The following DENND4C variants were observed in gnomAD, a reference collection of about 807,000 sequenced individuals.
DENND4C encodes the protein DENN domain containing 4C, also known as DENN domain-containing protein 4C.
DENND4C carries 108 observed loss-of-function variants against 203.0 expected under a neutral mutation model. That is an observed-to-expected ratio of 0.53 (90% CI 0.46 to 0.62). The LOEUF (loss-of-function observed/expected upper bound fraction) is 0.62, where lower values mean the gene tolerates loss of function less well. Among genes scored for constraint, DENND4C ranks in the 20% least tolerant of loss-of-function variants. DENND4C has a pLI of 0.00. For synonymous variants in DENND4C, 871 were observed against 792.4 expected, an observed-to-expected ratio of 1.10 and a Z score of -1.67; for missense variants, 2,481 against 2,301.2, an observed-to-expected ratio of 1.08 and a Z score of -1.60.
At chr9:19,354,223 C>T (rs1205699188) in intron 26 of DENND4C, among the ~76,000 whole-genome samples, 1 of 152,120 alleles carries the variant, frequency 6.6e-6, no homozygotes, top group Non-Finnish European at 1.5e-5. Context: ...GTGTTGGGTA[C>T]TTCAGTTACT....
chr9:19,372,123 A>G lies in DENND4C; in HGVS notation c.5827A>G (p.Ser1943Gly). The G allele has an allele frequency of 6.2e-7, 1 of 1,614,126 alleles. No individual in the cohort carries two copies. The highest frequency in any genetic ancestry group is 8.5e-7 in the Non-Finnish European group (1 of 1,180,004). Residue 1943 changes from serine to glycine, a missense_variant, in exon 33 of 33, where the codon AGT (serine) becomes GGT (glycine). By Grantham distance (56) the Ser-to-Gly change is moderately conservative. Coordinates refer to ENST00000434457, the MANE Select transcript of DENND4C (RefSeq NM_001330640.2). ...ERLQKIDAPP[S>G]ASVEWCRKCF... is the part of the protein sequence containing the mutation. ...GTTGCAGAAAATTGATGCTCCACCAAGTGCCAGTGTCGAGTGGTGCAGGAA... is the reference window on the plus strand; with the variant it reads ...GTTGCAGAAAATTGATGCTCCACCAGGTGCCAGTGTCGAGTGGTGCAGGAA...
intron 9 of DENND4C, among the ~76,000 whole-genome samples, chr9:19,304,107 G>A (rs760214377): frequency 4.1e-4 from 59 of 142,396 alleles, no homozygotes; most frequent in Non-Finnish European, 7.5e-4. Context: ...AAGGAAAATG[G>A]GTAAAGATTC....
In DENND4C at chr9:19,365,384, G is replaced by A. The variant is rs190237731; in HGVS notation, c.5524+3421G>A. Among the ~76,000 whole-genome samples the A allele has an allele frequency of 2.6e-5, 4 of 152,276 alleles. No homozygotes were observed. In the East Asian group the frequency reaches 7.7e-4, roughly 29 times the overall value. On this transcript the variant is annotated intron_variant, in intron 30 of 32. Coordinates refer to ENST00000434457, the MANE Select transcript of DENND4C (RefSeq NM_001330640.2). ...TAAAACACTCATCAAGCTGGGAATA[G>A]AGAAGATCTTCCTCCGCCTGGTAAT...
chr9:19,231,588 C>G (rs922986271), intron 1 of DENND4C, among the ~76,000 whole-genome samples: 1 of 150,772 alleles, frequency 6.6e-6, no homozygotes, highest in Non-Finnish European at 1.5e-5. Flanking sequence ...CCTTTTCCCT[C>G]TCGAAGACCG....
chr9:19,309,887 T>A (rs1840407496), intron 10 of DENND4C, among the ~76,000 whole-genome samples: 1 of 152,190 alleles, frequency 6.6e-6, no homozygotes, highest in African/African-American at 2.4e-5. Flanking sequence ...TGATACCTTT[T>A]TGACACACGT....
intron 9 of DENND4C, among the ~76,000 whole-genome samples, chr9:19,304,048 T>TTA (rs1839142751): frequency 7.2e-6 from 1 of 138,714 alleles, no homozygotes; most frequent in African/African-American, 2.6e-5. Flanking sequence ...CTGTCTTTTT[T>TTA]AAAAAAAAAA....
At chr9:19,286,675 A>G (rs1835278795) in intron 2 of DENND4C, 94 bp from the exon 3 acceptor site, 3 of 1,140,260 alleles carry the variant, frequency 2.6e-6, no homozygotes, top group Non-Finnish European at 3.3e-6. Context: ...GAAGAAAACC[A>G]GCATTAACCT....
At position 19,336,796 on chromosome 9, in the gene DENND4C, A is replaced by G; in HGVS notation, c.2845A>G (p.Ile949Val). Residue 949 changes from isoleucine to valine, a missense_variant, in exon 20 of 33, where the codon ATC becomes GTC. Coordinates refer to ENST00000434457, the MANE Select transcript of DENND4C (RefSeq NM_001330640.2). ...GCACACAGTCTTCGTCAGAGATTTA[A>G]TCAGGCTTGAGTCCATTGATAATCA... ...GEHTVFVRDL[I>V]RLESIDNHSS... is the part of the protein sequence containing the mutation. 6.4e-7 allele frequency: 1 copy of G among 1,550,758 alleles called. No individual in the cohort carries two copies. Among genetic ancestry groups the G allele is most frequent in the Non-Finnish European group, 8.7e-7 (1 of 1,146,998 alleles).
chr9:19,325,863 TCA>T, intron 13 of DENND4C, 74 bp from the exon 14 acceptor site: 1 of 1,438,662 alleles, frequency 7.0e-7, no homozygotes, highest in Non-Finnish European at 9.6e-7. Flanking sequence ...TTTTTCTAAA[TCA>T]GAATGTAAGA....
At chr9:19,315,417 T>C (rs1037933811) in intron 10 of DENND4C, among the ~76,000 whole-genome samples, 3 of 151,664 alleles carry the variant, frequency 2.0e-5, no homozygotes, top group African/African-American at 7.3e-5. Flanking sequence ...GTTTGTTATA[T>C]TTATGCTAAC....
chr9:19,328,354 C>T (rs1239861163), intron 16 of DENND4C, among the ~76,000 whole-genome samples, 192 bp downstream of exon 16: 1 of 152,192 alleles, frequency 6.6e-6, no homozygotes, highest in African/African-American at 2.4e-5. Context: ...TGGCTCACGC[C>T]TGTATCCCAG....
chr9:19,233,836 G>A (rs935765400), intron 1 of DENND4C, among the ~76,000 whole-genome samples: 4 of 152,112 alleles, frequency 2.6e-5, no homozygotes, highest in African/African-American at 4.8e-5. Flanking sequence ...ACCTGCCTAC[G>A]CCTCTGAAAG....
At chr9:19,317,887 G>A (rs760037355) in intron 12 of DENND4C, among the ~76,000 whole-genome samples, 4 of 152,218 alleles carry the variant, frequency 2.6e-5, no homozygotes, top group Non-Finnish European at 4.4e-5. Context: ...CGTGGAAGAA[G>A]CATGACTTGG....
intron 2 of DENND4C, chr9:19,276,712 A>G (rs1471829653): frequency 3.2e-6 from 1 of 317,292 alleles, no homozygotes; most frequent in Non-Finnish European, 5.7e-6. Context: ...TCAAAAGAAT[A>G]TTGAAATGAA....
intron 10 of DENND4C, among the ~76,000 whole-genome samples, chr9:19,309,194 G>T (rs1036457715): frequency 1.3e-5 from 2 of 152,070 alleles, no homozygotes; most frequent in African/African-American, 2.4e-5. Flanking sequence ...AGGCTGAGAC[G>T]GGTGGATCTC....
chr9:19,304,748 A>C (rs922618817), intron 9 of DENND4C, among the ~76,000 whole-genome samples: 1 of 134,934 alleles, frequency 7.4e-6, no homozygotes, highest in African/African-American at 2.8e-5. Context: ...ACGGGGTTTC[A>C]CCTTGTTAGC....
At chr9:19,287,100 G>T in intron 3 of DENND4C, 79 bp downstream of exon 3, 1 of 1,146,236 alleles carries the variant, frequency 8.7e-7, no homozygotes. Flanking sequence ...TTACTGTTGG[G>T]TATATACTCA....
Position 19,373,117 on chromosome 9 carries a change from G to T in DENND4C, c.*944G>T, listed in dbSNP as rs1829116667. ...TGCCTTCCCTAACTTTAATGTATTA[G>T]GTTGGCACAAAATTAATTGTAGTTT... On this transcript the variant is annotated 3_prime_UTR_variant, in exon 33 of 33. Transcript: ENST00000434457. The T allele has an allele frequency of 1.3e-5, 2 of 151,824 alleles. No individual in the cohort carries two copies. Among genetic ancestry groups the T allele is most frequent in the East Asian group, 1.9e-4 (1 of 5,178 alleles). 9.4% of individuals were successfully genotyped at this position (151,824 alleles called of 1,614,324 possible).
chr9:19,321,830 TCA>T (rs1491433828), intron 12 of DENND4C, among the ~76,000 whole-genome samples: 3 of 84,744 alleles, frequency 3.5e-5, no homozygotes, highest in African/African-American at 1.7e-4. Flanking sequence ...AGACTCCATC[TCA>T]AAAAAAAAAA....
Sources: allele counts gnomAD v4.1 joint callset (sites outside exome capture counted in the v4.1 genomes callset), GRCh38; gene constraint gnomAD v4.1.1; transcripts MANE v1.5; gene names NCBI Gene and HGNC (gene_info 2026-07-23, HGNC 2026-07-21).